ITPK1: variants seen among roughly 807,000 people sequenced by gnomAD.
ITPK1 encodes the protein inositol 1,3,4-trisphosphate 5/6-kinase.
In ITPK1, 21 loss-of-function variants were observed where a neutral mutation model predicts 45.3. That is an observed-to-expected ratio of 0.46 (90% CI 0.33 to 0.67). ITPK1 has a LOEUF of 0.67. Ranked by LOEUF, ITPK1 falls within the 30% of genes least tolerant of loss-of-function variation. ITPK1 has a pLI of 0.02. For synonymous variants in ITPK1, 258 were observed against 253.6 expected, an observed-to-expected ratio of 1.02 and a Z score of -0.16; for missense variants, 474 against 573.5, an observed-to-expected ratio of 0.83 and a Z score of 1.77.
chr14:92,940,684 G>C lies in ITPK1; in HGVS notation c.*877C>G. 7.8e-7 allele frequency: 1 copy of C among 1,282,732 alleles called. No individual in the cohort carries two copies. Among genetic ancestry groups the C allele is most frequent in the Non-Finnish European group, 1.0e-6 (1 of 985,688 alleles). 79.5% of individuals were successfully genotyped at this position (1,282,732 alleles called of 1,614,324 possible). Reference sequence around the variant, plus strand: ...GGTTAGGGCACAAAGCCAGCCCTGTGGTGCTCTCTGATCTCAAATGTCCAC... The same window carrying C: ...GGTTAGGGCACAAAGCCAGCCCTGTCGTGCTCTCTGATCTCAAATGTCCAC... On this transcript the variant is annotated 3_prime_UTR_variant, in exon 11 of 11. Coordinates refer to ENST00000267615, the MANE Select transcript of ITPK1 (RefSeq NM_014216.6).
intron 2 of ITPK1, among the ~76,000 whole-genome samples, chr14:93,077,262 G>A (rs1191418422): frequency 2.0e-5 from 3 of 152,110 alleles, no homozygotes; most frequent in Admixed American, 1.3e-4. Context: ...GGCCTGGGTC[G>A]GGGTTTGCCC....
At chr14:92,990,056 C>T (rs1595115494) in intron 5 of ITPK1, among the ~76,000 whole-genome samples, 2 of 152,324 alleles carry the variant, frequency 1.3e-5, no homozygotes, top group East Asian at 3.9e-4. Flanking sequence ...TAATGCTCCC[C>T]TAAAACTCGT....
At chr14:93,096,560 C>T (rs751085574) in intron 2 of ITPK1, among the ~76,000 whole-genome samples, 1 of 152,186 alleles carries the variant, frequency 6.6e-6, no homozygotes, top group Non-Finnish European at 1.5e-5. Context: ...TGAAGAAACA[C>T]ACACGAAGAA....
chr14:93,030,619 T>C (rs114754122), intron 3 of ITPK1, among the ~76,000 whole-genome samples: 1,660 of 152,202 alleles, frequency 0.011, 29 homozygotes, highest in African/African-American at 0.038. Context: ...AGGAAGCGAC[T>C]GGAGGCACCA....
chr14:92,962,626 G>A, intron 6 of ITPK1, 125 bp downstream of exon 6: 1 of 819,020 alleles, frequency 1.2e-6, no homozygotes, highest in Non-Finnish European at 2.1e-6. Context: ...GTGGGACCCA[G>A]GGCCATGTGC....
chr14:93,007,167 G>A (rs1887657070), intron 4 of ITPK1, among the ~76,000 whole-genome samples: 1 of 152,202 alleles, frequency 6.6e-6, no homozygotes, highest in African/African-American at 2.4e-5. Context: ...ACGGAGCTGG[G>A]TTCCACCCAC....
At chr14:93,111,993 G>T (rs1892774832) in intron 2 of ITPK1, among the ~76,000 whole-genome samples, 1 of 152,066 alleles carries the variant, frequency 6.6e-6, no homozygotes, top group South Asian at 2.1e-4. Flanking sequence ...GCACTTCATG[G>T]CCCATGAAGT....
intron 4 of ITPK1, among the ~76,000 whole-genome samples, chr14:93,010,217 T>C (rs1256993605): frequency 6.6e-6 from 1 of 152,164 alleles, no homozygotes; most frequent in East Asian, 1.9e-4. Context: ...ACGGTGTTAT[T>C]TATCCTCTGA....
At chr14:93,078,676 T>G (rs1188749565) in intron 2 of ITPK1, among the ~76,000 whole-genome samples, 2 of 152,070 alleles carry the variant, frequency 1.3e-5, no homozygotes, top group East Asian at 1.9e-4. Context: ...CAGTGACAGA[T>G]AGCATCATGA....
At chr14:92,968,939 A>G (rs1245846652) in intron 5 of ITPK1, among the ~76,000 whole-genome samples, 1 of 152,152 alleles carries the variant, frequency 6.6e-6, no homozygotes, top group Non-Finnish European at 1.5e-5. Flanking sequence ...CACAGAGCAC[A>G]TGCTGGGAAG....
intron 3 of ITPK1, among the ~76,000 whole-genome samples, chr14:93,049,756 T>TG (rs917494673): frequency 9.9e-5 from 2 of 20,284 alleles, no homozygotes; most frequent in Admixed American, 7.2e-4. Flanking sequence ...AGGACGGGGG[T>TG]GGGGGGTGGG....
chr14:92,991,956 C>G (rs979312349), intron 5 of ITPK1, among the ~76,000 whole-genome samples: 1 of 152,190 alleles, frequency 6.6e-6, no homozygotes, highest in African/African-American at 2.4e-5. Flanking sequence ...ACCCCTGACC[C>G]CGTGGCTGAA....
chr14:93,082,081 G>A (rs1390260856), intron 2 of ITPK1, among the ~76,000 whole-genome samples: 1 of 152,150 alleles, frequency 6.6e-6, no homozygotes, highest in African/African-American at 2.4e-5. Flanking sequence ...GACTCCATGT[G>A]CTTCTCTGTG....
In ITPK1 at chr14:93,073,745, G is replaced by C. The variant is rs1338049219; in HGVS notation, c.120+2850C>G. ...AAAACCATGGGCCACAGGCTTTTGA[G>C]ACAGACAGACCTGCACTCAAATCCC... On this transcript the variant is annotated intron_variant, in intron 3 of 10. Transcript: ENST00000267615. Among the ~76,000 whole-genome samples the C allele has an allele frequency of 2.0e-5, 3 of 152,314 alleles. No homozygotes were observed. In the East Asian group the frequency reaches 5.8e-4, roughly 29 times the overall value.
At chr14:93,112,053 TCCC>T (rs1892777343) in intron 2 of ITPK1, among the ~76,000 whole-genome samples, 1 of 147,472 alleles carries the variant, frequency 6.8e-6, no homozygotes, top group South Asian at 2.2e-4. Context: ...CCCCAAACCC[TCCC>T]CCCAAGACAA....
chr14:92,977,304 T>C (rs555522836), intron 5 of ITPK1, among the ~76,000 whole-genome samples: 7 of 152,336 alleles, frequency 4.6e-5, no homozygotes, highest in African/African-American at 1.4e-4. Context: ...CAGTCTGACA[T>C]GGCCCTGGGG....
intron 2 of ITPK1, among the ~76,000 whole-genome samples, chr14:93,114,569 T>C (rs563432506): frequency 1.4e-3 from 212 of 152,332 alleles, no homozygotes; most frequent in African/African-American, 4.9e-3. Context: ...GCTACTCGCT[T>C]CAACTGGGCT....
chr14:93,003,466 G>A (rs1254124655), intron 4 of ITPK1, among the ~76,000 whole-genome samples: 2 of 152,220 alleles, frequency 1.3e-5, no homozygotes, highest in Non-Finnish European at 2.9e-5. Flanking sequence ...ATAGTCCTGG[G>A]AAATCCACAC....
chr14:93,110,542 C>T (rs938111931), intron 2 of ITPK1, among the ~76,000 whole-genome samples: 5 of 152,134 alleles, frequency 3.3e-5, no homozygotes, highest in South Asian at 2.1e-4. Context: ...GGGACAGGCC[C>T]GGTGGCATGC....
Sources: gnomAD v4.1 joint callset for allele counts (sites outside exome capture counted in the v4.1 genomes callset) on GRCh38, gnomAD v4.1.1 for gene constraint, MANE v1.5 for transcripts, NCBI Gene and HGNC (gene_info 2026-07-23, HGNC 2026-07-21) for gene names.